EDIL3: variants seen among roughly 807,000 people sequenced by gnomAD.
EDIL3 encodes EGF like and discoidin domains 3.
EDIL3 carries 37 observed loss-of-function variants against 67.4 expected under a neutral mutation model. That is an observed-to-expected ratio of 0.55 (90% CI 0.42 to 0.72). The LOEUF (loss-of-function observed/expected upper bound fraction) is 0.72. EDIL3 is among the 30% of genes least tolerant of loss of function. The probability of loss-of-function intolerance (pLI) is 0.00; values close to 1 mark genes in which losing one functional copy is unlikely to be tolerated. For missense variants in EDIL3, 527 were observed against 586.3 expected (o/e 0.90, Z 1.04); for synonymous variants, 195 against 196.3 (o/e 0.99, Z 0.05).
intron 9 of EDIL3, among the ~76,000 whole-genome samples, chr5:84,014,056 T>C (rs1485845931): frequency 6.6e-6 from 1 of 152,190 alleles, no homozygotes; most frequent in Non-Finnish European, 1.5e-5. Flanking sequence ...ATTGGACCAG[T>C]TCTATAAACT....
At chr5:84,250,322 CAG>C (rs1401902958) in intron 2 of EDIL3, among the ~76,000 whole-genome samples, 61 of 149,342 alleles carry the variant, frequency 4.1e-4, no homozygotes, top group Admixed American at 4.0e-4. Flanking sequence ...TACAGAGAGG[CAG>C]AGAGAGAGAG....
intron 4 of EDIL3, among the ~76,000 whole-genome samples, chr5:84,158,830 C>A (rs2112337239): frequency 6.6e-6 from 1 of 151,996 alleles, no homozygotes; most frequent in South Asian, 2.1e-4. Context: ...CTTCTAAAAC[C>A]TGAGGTTAAG....
At chr5:84,003,365 G>T (rs1474038612) in intron 9 of EDIL3, among the ~76,000 whole-genome samples, 1 of 152,134 alleles carries the variant, frequency 6.6e-6, no homozygotes. Flanking sequence ...GGAACAAAAA[G>T]CCTGAGCTAT....
chr5:84,283,037 T>C (rs770597942), intron 1 of EDIL3, among the ~76,000 whole-genome samples: 14 of 152,016 alleles, frequency 9.2e-5, no homozygotes, highest in Admixed American at 1.3e-4. Context: ...ATGCATCTAT[T>C]TCTTTTTTTT....
At chr5:84,152,262 A>T (rs1748409881) in intron 4 of EDIL3, among the ~76,000 whole-genome samples, 1 of 152,188 alleles carries the variant, frequency 6.6e-6, no homozygotes, top group African/African-American at 2.4e-5. Context: ...AACTTATAAA[A>T]ATGTATGTTT....
intron 9 of EDIL3, among the ~76,000 whole-genome samples, chr5:84,021,136 T>A (rs1464735954): frequency 6.6e-6 from 1 of 152,022 alleles, no homozygotes; most frequent in Non-Finnish European, 1.5e-5. Context: ...TCTTGGTTAG[T>A]CTGGTTAGTG....
intron 1 of EDIL3, among the ~76,000 whole-genome samples, chr5:84,276,643 A>G (rs1339646695): frequency 6.6e-6 from 1 of 151,938 alleles, no homozygotes; most frequent in Non-Finnish European, 1.5e-5. Context: ...ATCTTGGCTC[A>G]CTGCAACCTC....
chr5:84,203,726 T>C (rs973316579), intron 3 of EDIL3, among the ~76,000 whole-genome samples: 30 of 152,202 alleles, frequency 2.0e-4, no homozygotes, highest in Non-Finnish European at 2.9e-5. Context: ...CAAGGGCTTA[T>C]CTCATTTTTA....
chr5:84,256,926 T>C (rs993420598), intron 1 of EDIL3, among the ~76,000 whole-genome samples: 1 of 152,168 alleles, frequency 6.6e-6, no homozygotes, highest in African/African-American at 2.4e-5. Flanking sequence ...TACTAGGTAA[T>C]GAAACCAGAA....
intron 1 of EDIL3, among the ~76,000 whole-genome samples, chr5:84,317,868 A>G (rs1233392113): frequency 1.3e-5 from 2 of 152,206 alleles, no homozygotes; most frequent in Non-Finnish European, 2.9e-5. Context: ...AGAATAAGTC[A>G]AATTGTCTCT....
chr5:84,111,219 T>A (rs985442319), intron 5 of EDIL3, among the ~76,000 whole-genome samples: 23 of 152,306 alleles, frequency 1.5e-4, no homozygotes, highest in African/African-American at 5.1e-4. Flanking sequence ...GGTGAGTCAA[T>A]TAAACTATTT....
At chr5:84,233,943 G>A (rs941449747) in intron 2 of EDIL3, among the ~76,000 whole-genome samples, 1 of 152,120 alleles carries the variant, frequency 6.6e-6, no homozygotes, top group Non-Finnish European at 1.5e-5. Flanking sequence ...TGAGATTGTT[G>A]AGCCACTGAA....
intron 6 of EDIL3, among the ~76,000 whole-genome samples, chr5:84,069,806 T>C (rs1561421429): frequency 6.6e-6 from 1 of 151,940 alleles, no homozygotes; most frequent in Non-Finnish European, 1.5e-5. Flanking sequence ...AAATGTTGCA[T>C]TTTCCAAGAG....
At chr5:84,010,963 G>A (rs1028287363) in intron 9 of EDIL3, among the ~76,000 whole-genome samples, 6 of 152,170 alleles carry the variant, frequency 3.9e-5, no homozygotes, top group Admixed American at 2.0e-4. Context: ...CCTGAACAAA[G>A]TCAGGGATTG....
intron 9 of EDIL3, among the ~76,000 whole-genome samples, chr5:84,025,136 T>C (rs1297862974): frequency 1.3e-5 from 2 of 152,168 alleles, no homozygotes; most frequent in Non-Finnish European, 2.9e-5. Flanking sequence ...CTTGACTTGC[T>C]GCAGTGACCT....
intron 6 of EDIL3, among the ~76,000 whole-genome samples, chr5:84,104,655 T>C (rs552808268): frequency 9.2e-4 from 140 of 152,158 alleles, no homozygotes; most frequent in Middle Eastern, 6.8e-3. Flanking sequence ...ACCTTAAAAG[T>C]AAAATAAGTT....
chr5:83,943,522 A>G lies in EDIL3; in HGVS notation c.1340T>C (p.Ile447Thr). ...GTGTCGTGCATAGATGGGAGGGTCG[A>G]TGACATTTTTTCTGTGAGTGTCATT... ...FDNDTHRKNV[I>T]DPPIYARHIR... Residue 447 changes from isoleucine (I) to threonine (T), a missense_variant, in exon 11 of 11, where the codon ATC (isoleucine) becomes ACC (threonine). Physicochemically the swap from Ile to Thr is moderately conservative, Grantham distance 89. Coordinates refer to ENST00000296591, the MANE Select transcript of EDIL3 (RefSeq NM_005711.5). 6.2e-7 allele frequency: 1 copy of G among 1,612,586 alleles called. No individual in the cohort carries two copies. Among genetic ancestry groups the G allele is most frequent in the Non-Finnish European group, 8.5e-7 (1 of 1,179,090 alleles).
In EDIL3 at chr5:84,225,990, A is replaced by T. The variant is rs13184053; in HGVS notation, c.226+3865T>A. 7.7e-3 allele frequency among the ~76,000 whole-genome samples: 1,168 copies of T among 151,774 alleles called. 13 individuals are homozygous for T. Among genetic ancestry groups the T allele is most frequent in the Non-Finnish European group, 0.014 (920 of 67,620 alleles). ...TATTTATTGTATTATTTATTCTATT[A>T]CTTTACTTTGAGAAGTGGCTTATCT... On this transcript the variant is annotated intron_variant, in intron 3 of 10. Coordinates refer to ENST00000296591, the MANE Select transcript of EDIL3 (RefSeq NM_005711.5).
intron 2 of EDIL3, among the ~76,000 whole-genome samples, chr5:84,233,387 TCAAA>T (rs1338126191): frequency 1.5e-4 from 23 of 152,292 alleles, no homozygotes; most frequent in African/African-American, 5.3e-4. Flanking sequence ...CTCTAACCCA[TCAAA>T]GTTTATTTCA....
Sources: allele counts gnomAD v4.1 joint callset (sites outside exome capture counted in the v4.1 genomes callset), GRCh38; gene constraint gnomAD v4.1.1; transcripts MANE v1.5; gene names NCBI Gene and HGNC (gene_info 2026-07-23, HGNC 2026-07-21).